FNDC3A: variants seen among roughly 807,000 people sequenced by gnomAD.
FNDC3A encodes the protein fibronectin type-III domain-containing protein 3A.
In FNDC3A, 32 loss-of-function variants were observed where a neutral mutation model predicts 148.9. The observed-to-expected ratio is 0.21, with a 90% CI of 0.16 to 0.29. The LOEUF is 0.29. FNDC3A is among the 10% of genes least tolerant of loss of function. FNDC3A has a pLI of 1.00. For missense variants in FNDC3A, 1,191 were observed against 1,452.8 expected (o/e 0.82, Z 2.93); for synonymous variants, 472 against 473.6 (o/e 1.00, Z 0.04).
intron 24 of FNDC3A, 92 bp downstream of exon 24, chr13:49,202,058 G>T: frequency 1.2e-6 from 1 of 825,898 alleles, no homozygotes; most frequent in Non-Finnish European, 1.8e-6. Flanking sequence ...TTAAAATTTA[G>T]CATCCAGTAT....
At chr13:49,131,423 C>CT (rs753801214) in intron 5 of FNDC3A, 49 bp downstream of exon 5, 12 of 1,292,948 alleles carry the variant, frequency 9.3e-6, no homozygotes, top group African/African-American at 1.5e-5. Flanking sequence ...ATATTCTTCG[C>CT]TTGGATATAA....
chr13:49,187,796 T>C (rs1183739060), intron 16 of FNDC3A: 1 of 655,614 alleles, frequency 1.5e-6, no homozygotes, highest in African/African-American at 1.8e-5. Flanking sequence ...GGATTTTGCC[T>C]GTTATGATCC....
At chr13:49,057,314 A>G (rs1243593092) in intron 2 of FNDC3A, among the ~76,000 whole-genome samples, 1 of 152,100 alleles carries the variant, frequency 6.6e-6, no homozygotes, top group Non-Finnish European at 1.5e-5. Flanking sequence ...TCTTTAGGGG[A>G]GCTGGATTTA....
chr13:49,016,467 T>G (rs1872787503), intron 2 of FNDC3A, among the ~76,000 whole-genome samples: 1 of 152,252 alleles, frequency 6.6e-6, no homozygotes, highest in Non-Finnish European at 1.5e-5. Flanking sequence ...TCATTTTTTA[T>G]TGTATCTATT....
chr13:49,175,594 G>A, intron 13 of FNDC3A, 53 bp downstream of exon 13: 1 of 1,273,548 alleles, frequency 7.9e-7, no homozygotes. Flanking sequence ...TTCAGCTTAA[G>A]GAGATTTTGG....
rs1880467193 is a variant in FNDC3A at position 49,110,241 on chromosome 13, A to G, written c.176-4414A>G. On this transcript the variant is annotated intron_variant, in intron 3 of 25. Coordinates refer to ENST00000492622, the MANE Select transcript of FNDC3A (RefSeq NM_001079673.2). ...CCCTTGCCCTTTCCTGGGTCACTGC[A>G]GGTCACGTGATGACTGTCACGTGAC... The G allele has an allele frequency of 4.3e-6, 4 of 921,490 alleles. No homozygotes were observed. The East Asian group carries it at 8.8e-5, about 20-fold the overall frequency. 57.1% of individuals were successfully genotyped at this position (921,490 alleles called of 1,614,324 possible).
At chr13:49,102,073 A>G (rs1296695281) in intron 3 of FNDC3A, among the ~76,000 whole-genome samples, 1 of 152,038 alleles carries the variant, frequency 6.6e-6, no homozygotes, top group East Asian at 1.9e-4. Context: ...CTTGGGCTTA[A>G]GCATTCCTCC....
intron 21 of FNDC3A, 22 bp from the exon 22 acceptor site, chr13:49,197,960 C>T: frequency 1.9e-6 from 3 of 1,601,068 alleles, no homozygotes; most frequent in Non-Finnish European, 2.6e-6. Context: ...TTTGTTAACT[C>T]GGAGGCTCTG....
In FNDC3A at chr13:49,173,800, A is replaced by G. The variant is rs561086664; in HGVS notation, c.1231-635A>G. 2.6e-5 allele frequency among the ~76,000 whole-genome samples: 4 copies of G among 152,324 alleles called. No individual in the cohort carries two copies. The South Asian group carries it at 8.3e-4, about 32-fold the overall frequency. ...CCCTAACTACCATTTTATCTCTAGCAACACAATAAAGAAAAATGGGTGGCA... is the reference window on the plus strand; with the variant it reads ...CCCTAACTACCATTTTATCTCTAGCGACACAATAAAGAAAAATGGGTGGCA... On this transcript the variant is annotated intron_variant, in intron 11 of 25. Transcript: ENST00000492622.
At chr13:49,190,420 C>T (rs147595759) in intron 17 of FNDC3A, among the ~76,000 whole-genome samples, 38 of 152,150 alleles carry the variant, frequency 2.5e-4, no homozygotes, top group African/African-American at 8.4e-4. Flanking sequence ...CTACTCTGGA[C>T]GTGGGAGGAT....
chr13:49,035,769 A>T (rs1408621646), intron 2 of FNDC3A, among the ~76,000 whole-genome samples: 1 of 152,102 alleles, frequency 6.6e-6, no homozygotes, highest in Non-Finnish European at 1.5e-5. Context: ...TTGTTTGCCA[A>T]ATAAATGAAT....
At chr13:49,043,882 G>T (rs1875150683) in intron 2 of FNDC3A, among the ~76,000 whole-genome samples, 2 of 152,144 alleles carry the variant, frequency 1.3e-5, no homozygotes, top group South Asian at 4.1e-4. Context: ...AAAAAATGAA[G>T]AGATGACCTG....
intron 25 of FNDC3A, 41 bp from the exon 26 acceptor site, chr13:49,207,040 G>A (rs1886680646): frequency 6.9e-7 from 1 of 1,452,624 alleles, no homozygotes; most frequent in Non-Finnish European, 9.6e-7. Flanking sequence ...TTTCTGTCCA[G>A]CCTTCACACG....
At chr13:49,014,425 A>G (rs1167688733) in intron 2 of FNDC3A, among the ~76,000 whole-genome samples, 15 of 111,052 alleles carry the variant, frequency 1.4e-4, no homozygotes, top group Admixed American at 3.9e-4. Context: ...CATGTCCTTC[A>G]CCCACTTTTT....
intron 5 of FNDC3A, among the ~76,000 whole-genome samples, chr13:49,134,561 T>C (rs1440659006): frequency 6.6e-6 from 1 of 152,086 alleles, no homozygotes; most frequent in East Asian, 1.9e-4. Flanking sequence ...CAGAGTGGAA[T>C]TGCTGGGTCA....
intron 2 of FNDC3A, among the ~76,000 whole-genome samples, chr13:49,021,717 G>A (rs1173099555): frequency 6.6e-6 from 1 of 152,102 alleles, no homozygotes; most frequent in Non-Finnish European, 1.5e-5. Context: ...TAGTTTTGAC[G>A]ATTTACGCCT....
At chr13:49,198,671 C>A in intron 23 of FNDC3A, 97 bp downstream of exon 23, 2 of 960,320 alleles carry the variant, frequency 2.1e-6, no homozygotes, top group Non-Finnish European at 3.2e-6. Flanking sequence ...GTGGCTGACA[C>A]CTGTAATCTC....
chr13:49,016,317 C>T (rs1358023081), intron 2 of FNDC3A, among the ~76,000 whole-genome samples: 35 of 152,012 alleles, frequency 2.3e-4, no homozygotes, highest in Admixed American at 2.2e-3. Context: ...CAACTTCTTC[C>T]TGGTTTAGTC....
intron 2 of FNDC3A, among the ~76,000 whole-genome samples, chr13:49,020,510 G>A (rs1010241918): frequency 6.6e-6 from 1 of 152,216 alleles, no homozygotes; most frequent in Non-Finnish European, 1.5e-5. Flanking sequence ...CATACTGCAC[G>A]TCCTTCACAG....
Sources: gnomAD v4.1 joint callset for allele counts (sites outside exome capture counted in the v4.1 genomes callset) on GRCh38, gnomAD v4.1.1 for gene constraint, MANE v1.5 for transcripts, NCBI Gene and HGNC (gene_info 2026-07-23, HGNC 2026-07-21) for gene names.